The following AGBL4 variants were observed in gnomAD, a reference collection of about 807,000 sequenced individuals.
The protein encoded by AGBL4 is cytosolic carboxypeptidase 6.
In AGBL4, 58 loss-of-function variants were observed where a neutral mutation model predicts 66.4. The ratio of observed to expected loss-of-function variants is 0.87; its 90% confidence interval spans 0.71 to 1.09. The LOEUF is 1.09. AGBL4 is among the 50% of genes least tolerant of loss of function. AGBL4 has a pLI of 0.00. For synonymous variants in AGBL4, 234 were observed against 222.9 expected (o/e 1.05, Z -0.44); for missense variants, 579 against 631.0 (o/e 0.92, Z 0.88).
intron 5 of AGBL4, among the ~76,000 whole-genome samples, chr1:48,912,061 G>C (rs1321877195): frequency 6.6e-6 from 1 of 152,110 alleles, no homozygotes; most frequent in Non-Finnish European, 1.5e-5. Flanking sequence ...TTCATGTAAA[G>C]AGCATATACT....
chr1:49,821,054 T>A (rs1645356802), intron 2 of AGBL4, among the ~76,000 whole-genome samples: 1 of 152,204 alleles, frequency 6.6e-6, no homozygotes, highest in Non-Finnish European at 1.5e-5. Flanking sequence ...TTTCTTGCTG[T>A]TGTTATTACT....
At chr1:49,078,041 T>C (rs659426) in intron 4 of AGBL4, among the ~76,000 whole-genome samples, 102,849 of 151,972 alleles carry the variant, frequency 0.68, 35,330 homozygotes, top group African/African-American at 0.75. Context: ...GGTCCACACC[T>C]TACTGATGGT....
intron 3 of AGBL4, among the ~76,000 whole-genome samples, chr1:49,589,070 C>A (rs976681018): frequency 2.0e-5 from 3 of 152,048 alleles, no homozygotes; most frequent in African/African-American, 4.8e-5. Context: ...AAACAATTAC[C>A]AGTGAAGGTA....
chr1:48,690,711 C>G (rs979552015), intron 6 of AGBL4, among the ~76,000 whole-genome samples: 1 of 152,128 alleles, frequency 6.6e-6, no homozygotes, highest in African/African-American at 2.4e-5. Flanking sequence ...TGTTGGAAAT[C>G]TATCCTAGTC....
intron 3 of AGBL4, among the ~76,000 whole-genome samples, chr1:49,677,494 CTT>C (rs1558154919): frequency 6.6e-6 from 1 of 152,038 alleles, no homozygotes; most frequent in East Asian, 1.9e-4. Context: ...GATAAATTCT[CTT>C]TACAAATATT....
intron 1 of AGBL4, among the ~76,000 whole-genome samples, chr1:49,943,568 A>C (rs1654955904): frequency 6.6e-6 from 1 of 152,142 alleles, no homozygotes; most frequent in African/African-American, 2.4e-5. Flanking sequence ...ACCTGGAGCT[A>C]AGTCAATTTA....
chr1:49,700,196 A>G (rs1647061288), intron 2 of AGBL4, among the ~76,000 whole-genome samples: 1 of 151,670 alleles, frequency 6.6e-6, no homozygotes, highest in Admixed American at 6.6e-5. Context: ...CTATACTTAT[A>G]TCAGACAACA....
chr1:48,591,795 C>G (rs1200975252), intron 9 of AGBL4, among the ~76,000 whole-genome samples: 1 of 152,166 alleles, frequency 6.6e-6, no homozygotes, highest in Non-Finnish European at 1.5e-5. Context: ...ATTGACCAGT[C>G]TACCTCTGCT....
chr1:48,931,834 A>G (rs899974699), intron 5 of AGBL4, among the ~76,000 whole-genome samples: 1 of 152,060 alleles, frequency 6.6e-6, no homozygotes, highest in Non-Finnish European at 1.5e-5. Context: ...TCTTCACAGC[A>G]TCTGAAACCG....
chr1:48,713,156 G>C (rs1231563674), intron 6 of AGBL4, among the ~76,000 whole-genome samples: 1 of 152,218 alleles, frequency 6.6e-6, no homozygotes, highest in African/African-American at 2.4e-5. Flanking sequence ...TGGTAGGTGA[G>C]ACAGGGAGGG....
chr1:49,931,082 C>T (rs1283962837), intron 1 of AGBL4, among the ~76,000 whole-genome samples: 1 of 151,964 alleles, frequency 6.6e-6, no homozygotes, highest in African/African-American at 2.4e-5. Context: ...TGTCAATGAA[C>T]AAAAACCAAG....
At chr1:48,930,901 C>A (rs543447577) in intron 5 of AGBL4, among the ~76,000 whole-genome samples, 166 of 152,250 alleles carry the variant, frequency 1.1e-3, no homozygotes, top group Non-Finnish European at 1.8e-3. Context: ...AAGTGACTTA[C>A]CCAAGGTTGC....
chr1:48,579,281 G>A (rs1325532675), intron 11 of AGBL4, among the ~76,000 whole-genome samples: 2 of 151,956 alleles, frequency 1.3e-5, no homozygotes, highest in African/African-American at 2.4e-5. Context: ...AGGCTGGAGT[G>A]CAATGGCATG....
Position 48,587,063 on chromosome 1 carries a change from G to C in AGBL4, c.1208C>G (p.Ser403Cys), listed in dbSNP as rs992195025. ...GCCACTGATGATGTAGCTGTAGAAG[G>C]AGACCTCTAGGGTGTAGCAATAGGA... ...HTSYCYTLEVSFYSYIISGTT... is the reference protein window; with the variant it reads ...HTSYCYTLEVCFYSYIISGTT... Residue 403 changes from serine (S) to cysteine (C), a missense_variant, in exon 11 of 14, where the codon TCC becomes TGC. Physicochemically the swap from Ser to Cys is moderately radical, Grantham distance 112 (BLOSUM62 -1). Transcript: ENST00000371839. The C allele has an allele frequency of 2.5e-6, 4 of 1,606,240 alleles. No individual in the cohort carries two copies. Among genetic ancestry groups the C allele is most frequent in the South Asian group, 1.1e-5 (1 of 88,934 alleles).
chr1:49,717,971 CA>C (rs1648291408), intron 2 of AGBL4, among the ~76,000 whole-genome samples: 1 of 152,030 alleles, frequency 6.6e-6, no homozygotes, highest in Non-Finnish European at 1.5e-5. Context: ...GCAATAGTCA[CA>C]AAAGTAGATA....
At chr1:49,948,486 AATATAT>A (rs1437201577) in intron 1 of AGBL4, among the ~76,000 whole-genome samples, 5 of 103,862 alleles carry the variant, frequency 4.8e-5, no homozygotes, top group African/African-American at 1.7e-4. Flanking sequence ...TATAAATATA[AATATAT>A]AAAAATATAT....
intron 3 of AGBL4, among the ~76,000 whole-genome samples, chr1:49,413,075 C>T (rs761347158): frequency 3.0e-4 from 46 of 152,102 alleles, no homozygotes; most frequent in Non-Finnish European, 6.3e-4. Context: ...ATGGAAATTT[C>T]GGAAGTAAAA....
chr1:49,281,196 GCT>G (rs1557798550), intron 3 of AGBL4, among the ~76,000 whole-genome samples: 1 of 152,154 alleles, frequency 6.6e-6, no homozygotes, highest in Non-Finnish European at 1.5e-5. Context: ...GATGAGATGG[GCT>G]CTCTCACACA....
intron 11 of AGBL4, among the ~76,000 whole-genome samples, chr1:48,567,215 G>C (rs540881321): frequency 2.6e-4 from 40 of 152,298 alleles, no homozygotes; most frequent in Non-Finnish European, 1.0e-4. Context: ...GTATGTCAGA[G>C]CACCTGTAAT....
Sources: gnomAD v4.1 joint callset for allele counts (sites outside exome capture counted in the v4.1 genomes callset) on GRCh38, gnomAD v4.1.1 for gene constraint, MANE v1.5 for transcripts, NCBI Gene and HGNC (gene_info 2026-07-23, HGNC 2026-07-21) for gene names.